Variants in UBR3 observed in about 807,000 individuals in gnomAD.
The protein encoded by UBR3 is E3 ubiquitin-protein ligase UBR3.
A neutral mutation model predicts 243.2 loss-of-function variants in UBR3; 85 were observed. The observed-to-expected ratio is 0.35, with a 90% confidence interval of 0.29 to 0.42. The LOEUF (loss-of-function observed/expected upper bound fraction) is 0.42, where lower values mean the gene tolerates loss of function less well. UBR3 is among the 10% of genes least tolerant of loss of function. The pLI is 1.00. For synonymous variants in UBR3, 748 were observed against 799.8 expected (o/e 0.94, Z 1.09); for missense variants, 1,686 against 2,300.8 (o/e 0.73, Z 5.47).
intron 24 of UBR3, among the ~76,000 whole-genome samples, chr2:169,983,404 G>T (rs1346747852): frequency 6.6e-6 from 1 of 151,842 alleles, no homozygotes; most frequent in Admixed American, 6.6e-5. Flanking sequence ...GGGATTACAG[G>T]CACGCATCAC....
chr2:170,006,480 C>T (rs1198045884), intron 27 of UBR3, among the ~76,000 whole-genome samples: 1 of 152,178 alleles, frequency 6.6e-6, no homozygotes, highest in East Asian at 1.9e-4. Flanking sequence ...TGAGCACTAA[C>T]TCAGTTGTCC....
intron 30 of UBR3, among the ~76,000 whole-genome samples, chr2:170,017,640 C>A (rs1574404057): frequency 6.6e-6 from 1 of 151,176 alleles, no homozygotes; most frequent in East Asian, 1.9e-4. Flanking sequence ...ATATTAATGG[C>A]CAAATCTCTA....
intron 11 of UBR3, among the ~76,000 whole-genome samples, chr2:169,914,742 T>C (rs1290040408): frequency 6.6e-6 from 1 of 152,148 alleles, no homozygotes; most frequent in Non-Finnish European, 1.5e-5. Flanking sequence ...AGAAAGACCA[T>C]GTTTCAGACA....
chr2:170,008,712 C>G (rs1240042383), intron 28 of UBR3, 92 bp from the exon 29 acceptor site: 10 of 623,788 alleles, frequency 1.6e-5, no homozygotes, highest in Non-Finnish European at 2.6e-5. Flanking sequence ...TTTTAATTTC[C>G]TACTATGTTC....
At chr2:169,904,987 T>C (rs753749471) in intron 8 of UBR3, 127 bp from the exon 9 acceptor site, 83 of 626,546 alleles carry the variant, frequency 1.3e-4, no homozygotes, top group Non-Finnish European at 1.9e-4. Context: ...GCCATATAGG[T>C]ATTAAATGGA....
intron 16 of UBR3, 84 bp downstream of exon 16, chr2:169,927,055 A>C: frequency 7.0e-7 from 1 of 1,428,414 alleles, no homozygotes; most frequent in South Asian, 1.3e-5. Flanking sequence ...TGGCTTAGGG[A>C]AAAAAGGAAA....
chr2:169,862,592 C>G (rs925033300), intron 1 of UBR3, among the ~76,000 whole-genome samples: 3 of 152,094 alleles, frequency 2.0e-5, no homozygotes, highest in Non-Finnish European at 4.4e-5. Context: ...TTTTATTACT[C>G]TTGTTTTTCT....
intron 24 of UBR3, chr2:169,964,451 T>C (rs1416971612): frequency 6.4e-6 from 3 of 469,850 alleles, no homozygotes; most frequent in Non-Finnish European, 1.3e-5. Context: ...CCAGAGCAGA[T>C]TGGGTGGTAT....
intron 11 of UBR3, among the ~76,000 whole-genome samples, chr2:169,918,653 T>A (rs1012575237): frequency 1.3e-5 from 2 of 152,062 alleles, no homozygotes; most frequent in African/African-American, 4.8e-5. Context: ...GTAAGCCAGA[T>A]CAAACAATCA....
chr2:170,080,885 G>A (rs1559244348), intron 38 of UBR3, among the ~76,000 whole-genome samples: 1 of 152,144 alleles, frequency 6.6e-6, no homozygotes, highest in East Asian at 1.9e-4. Context: ...ATTACCATGT[G>A]AGGTTTTTGC....
Position 169,958,463 on chromosome 2 carries a change from C to G in UBR3, c.3571C>G (p.Gln1191Glu). ...GCGACAGAAGGCTAGAGAGAGGCAG[C>G]AGAAATTGCTTGCGGAGTTTGCTTC... Reference protein sequence around the residue: ...ERRQKARERQQKLLAEFASRQ... With the variant: ...ERRQKARERQEKLLAEFASRQ... Residue 1191 changes from glutamine (Q) to glutamate (E), a missense_variant, in exon 24 of 39, where the codon CAG becomes GAG. Gln to Glu is a conservative substitution (Grantham distance 29). Around this residue, in one of 8 missense-constraint regions of UBR3, gnomAD observed 156 missense variants for 246.3 expected, o/e 0.63. Coordinates refer to ENST00000272793, the MANE Select transcript of UBR3 (RefSeq NM_172070.4). 1 of 1,613,026 alleles carries G rather than the reference C, an allele frequency of 6.2e-7. No homozygotes were observed. Among genetic ancestry groups the G allele is most frequent in the East Asian group, 2.2e-5 (1 of 44,788 alleles).
At chr2:169,951,950 C>T (rs1232630159) in intron 23 of UBR3, among the ~76,000 whole-genome samples, 1 of 151,902 alleles carries the variant, frequency 6.6e-6, no homozygotes, top group East Asian at 1.9e-4. Flanking sequence ...TAGGAGGGGT[C>T]CCAGGCTCAT....
chr2:169,868,080 A>G (rs370413981), intron 1 of UBR3, among the ~76,000 whole-genome samples: 35 of 152,340 alleles, frequency 2.3e-4, no homozygotes, highest in South Asian at 1.7e-3. Flanking sequence ...TTAAATTACA[A>G]TCTTTTAAAT....
intron 6 of UBR3, among the ~76,000 whole-genome samples, chr2:169,892,249 T>C (rs1380043004): frequency 1.3e-5 from 2 of 152,228 alleles, no homozygotes; most frequent in African/African-American, 4.8e-5. Context: ...AGAGAACCTG[T>C]ATGTCTGAAG....
chr2:170,032,340 G>A (rs558241211), intron 31 of UBR3, among the ~76,000 whole-genome samples: 13 of 152,028 alleles, frequency 8.6e-5, no homozygotes, highest in African/African-American at 3.1e-4. Context: ...GAACACTGGG[G>A]GAATCATAGT....
chr2:169,874,953 C>T (rs1158038568), intron 2 of UBR3, among the ~76,000 whole-genome samples: 1 of 151,898 alleles, frequency 6.6e-6, no homozygotes, highest in Non-Finnish European at 1.5e-5. Context: ...TAAAACCTCT[C>T]TATATTTTTC....
chr2:170,071,324 G>A (rs1334122661), intron 35 of UBR3, among the ~76,000 whole-genome samples: 1 of 152,128 alleles, frequency 6.6e-6, no homozygotes, highest in Admixed American at 6.6e-5. Flanking sequence ...CCATCAACAT[G>A]TGAATGCATG....
chr2:169,927,515 T>A, intron 17 of UBR3, 110 bp downstream of exon 17: 1 of 827,774 alleles, frequency 1.2e-6, no homozygotes, highest in Non-Finnish European at 1.8e-6. Context: ...AGTTGAAAAA[T>A]AATATAGAAA....
At chr2:169,905,044 TTC>T in intron 8 of UBR3, 68 bp from the exon 9 acceptor site, 3 of 1,284,910 alleles carry the variant, frequency 2.3e-6, no homozygotes, top group South Asian at 2.3e-5. Context: ...AGTATATATA[TTC>T]TGTATTATTG....
Sources: gnomAD v4.1 joint callset for allele counts (sites outside exome capture counted in the v4.1 genomes callset) on GRCh38, gnomAD v4.1.1 for gene constraint, gnomAD v4.1.1 regional missense constraint, MANE v1.5 for transcripts, NCBI Gene and HGNC (gene_info 2026-07-23, HGNC 2026-07-21) for gene names.